The following INIP variants were observed in gnomAD, a reference collection of about 807,000 sequenced individuals.
INIP encodes INTS3 and NABP interacting protein, also known as SOSS complex subunit C.
INIP carries 9 observed loss-of-function variants against 14.0 expected under a neutral mutation model. The observed-to-expected ratio is 0.64, with a 90% CI of 0.39 to 1.12. The LOEUF (loss-of-function observed/expected upper bound fraction) is 1.12. Among genes scored for constraint, INIP ranks in the 50% most tolerant of loss-of-function variants. The pLI is 0.01. For missense variants in INIP, 78 were observed against 122.7 expected, an observed-to-expected ratio of 0.64 and a Z score of 1.72; for synonymous variants, 37 against 41.5, an observed-to-expected ratio of 0.89 and a Z score of 0.41.
chr9:112,706,990 C>T (rs1411079304), intron 2 of INIP, among the ~76,000 whole-genome samples: 1 of 152,092 alleles, frequency 6.6e-6, no homozygotes, highest in Non-Finnish European at 1.5e-5. Flanking sequence ...CGGCTCACCA[C>T]AACCTCCACC....
chr9:112,710,296 T>C (rs1287385744), intron 2 of INIP, among the ~76,000 whole-genome samples: 1 of 152,210 alleles, frequency 6.6e-6, no homozygotes, highest in Non-Finnish European at 1.5e-5. Flanking sequence ...GCAGATCTTA[T>C]AGTTACTACT....
intron 2 of INIP, among the ~76,000 whole-genome samples, chr9:112,695,255 G>GA (rs60657759): frequency 0.025 from 1,609 of 64,652 alleles, 24 homozygotes; most frequent in African/African-American, 0.033. Context: ...CAGAACTACA[G>GA]AAAAAAAAAA....
chr9:112,695,858 GAAGA>G (rs1838071845), intron 2 of INIP, among the ~76,000 whole-genome samples: 1 of 151,350 alleles, frequency 6.6e-6, no homozygotes, highest in Non-Finnish European at 1.5e-5. Context: ...AGAAGGAGAA[GAAGA>G]AGGAGAAGAA....
rs1214215800 is a variant in INIP at position 112,683,957 on chromosome 9, T to C, written c.*3581A>G. On this transcript the variant is annotated 3_prime_UTR_variant, in exon 5 of 5. Transcript: ENST00000374242. ...TGAAATCACTAAGTCATTTCAGTTT[T>C]TATTCCAGGGTCAAAGCACTGACAT... 1 of 133,262 alleles carries C rather than the reference T, an allele frequency of 7.5e-6. No homozygotes were observed. Among genetic ancestry groups the C allele is most frequent in the African/African-American group, 2.7e-5 (1 of 36,618 alleles). The allele number at this position is 133,262 out of a possible 1,614,324, so 8.3% of individuals were successfully genotyped here.
chr9:112,696,848 G>A (rs957001713), intron 2 of INIP, among the ~76,000 whole-genome samples: 5 of 152,196 alleles, frequency 3.3e-5, no homozygotes, highest in East Asian at 1.9e-4. Context: ...GGCCAGGCAC[G>A]TGGGAAGGGA....
intron 2 of INIP, among the ~76,000 whole-genome samples, chr9:112,703,025 A>G (rs1255188427): frequency 6.6e-6 from 1 of 152,202 alleles, no homozygotes; most frequent in Non-Finnish European, 1.5e-5. Context: ...AAGATATCAG[A>G]AGAATATTCA....
intron 4 of INIP, 95 bp from the exon 5 acceptor site, chr9:112,687,728 A>G (rs944028635): frequency 5.1e-6 from 3 of 589,760 alleles, no homozygotes; most frequent in Non-Finnish European, 8.8e-6. Context: ...TGAATGCTTG[A>G]GACCAAATTT....
At chr9:112,709,293 C>A (rs2131311134) in intron 2 of INIP, among the ~76,000 whole-genome samples, 1 of 152,174 alleles carries the variant, frequency 6.6e-6, no homozygotes, top group Middle Eastern at 3.4e-3. Flanking sequence ...AAGAAGAGGT[C>A]TTTTGCCCCT....
chr9:112,698,378 A>C (rs1450507425), intron 2 of INIP, among the ~76,000 whole-genome samples: 1 of 151,694 alleles, frequency 6.6e-6, no homozygotes, highest in Non-Finnish European at 1.5e-5. Flanking sequence ...GCTCCAACAC[A>C]TGAAGGTTCC....
chr9:112,688,570 C>T (rs573044860), intron 4 of INIP, among the ~76,000 whole-genome samples: 8 of 151,632 alleles, frequency 5.3e-5, no homozygotes, highest in African/African-American at 1.9e-4. Context: ...CCTGTAATCC[C>T]AACACTTTGG....
At chr9:112,716,827 C>T (rs1024726868) in intron 1 of INIP, among the ~76,000 whole-genome samples, 3 of 151,738 alleles carry the variant, frequency 2.0e-5, no homozygotes, top group Non-Finnish European at 4.4e-5. Flanking sequence ...TGGTGGCAAG[C>T]GCCTGCAGTC....
At chr9:112,694,624 C>A (rs1456247178) in intron 2 of INIP, among the ~76,000 whole-genome samples, 1 of 152,186 alleles carries the variant, frequency 6.6e-6, no homozygotes, top group Admixed American at 6.5e-5. Flanking sequence ...CCGAGTCAAT[C>A]TTTGGGAGGG....
At chr9:112,688,602 T>C (rs1837768597) in intron 4 of INIP, among the ~76,000 whole-genome samples, 2 of 151,766 alleles carry the variant, frequency 1.3e-5, no homozygotes, top group African/African-American at 4.8e-5. Context: ...GGGAGGATCA[T>C]TTGAGGCCAG....
At chr9:112,692,078 G>A (rs1837907804) in intron 3 of INIP, among the ~76,000 whole-genome samples, 1 of 152,086 alleles carries the variant, frequency 6.6e-6, no homozygotes, top group Non-Finnish European at 1.5e-5. Context: ...TAAGATGTCT[G>A]ATAAGAAAAG....
At chr9:112,703,721 C>T (rs762339053) in intron 2 of INIP, among the ~76,000 whole-genome samples, 62 of 152,214 alleles carry the variant, frequency 4.1e-4, no homozygotes, top group Middle Eastern at 6.8e-3. Flanking sequence ...GGATTACAGG[C>T]GTGAGCCACT....
Position 112,685,179 on chromosome 9 carries a change from G to C in INIP, c.*2359C>G, listed in dbSNP as rs1252789024. ...TGCAGCCTCAACCTCCCAGGCTCAA[G>C]CAATCCTCCCACCTCAGCCTCCCGA... On this transcript the variant is annotated 3_prime_UTR_variant, in exon 5 of 5. Coordinates refer to ENST00000374242, the MANE Select transcript of INIP (RefSeq NM_021218.3). 1 of 151,770 alleles carries C rather than the reference G, an allele frequency of 6.6e-6. No homozygotes were observed. Among genetic ancestry groups the C allele is most frequent in the Non-Finnish European group, 1.5e-5 (1 of 68,178 alleles). The allele number at this position is 151,770 out of a possible 1,614,324, so 9.4% of individuals were successfully genotyped here. A position where few individuals can be genotyped will look rare whatever the true frequency, so the allele number is the denominator to read the frequency against.
In INIP at chr9:112,687,814, G is replaced by A. The variant is rs543226062; in HGVS notation, c.220-181C>T. On this transcript the variant is annotated intron_variant, in intron 4 of 4. Transcript: ENST00000374242. ...TTAAAATCAGTTCTTGGCTGGGCGC[G>A]GTGGCTCACACTGGTAATCCCAGCA... Among the ~76,000 whole-genome samples the A allele has an allele frequency of 1.7e-3, 257 of 152,204 alleles. 2 individuals are homozygous for A. Among genetic ancestry groups the A allele is most frequent in the African/African-American group, 5.9e-3 (247 of 41,542 alleles).
At chr9:112,713,382 A>C (rs1468971084) in intron 2 of INIP, among the ~76,000 whole-genome samples, 1 of 152,206 alleles carries the variant, frequency 6.6e-6, no homozygotes, top group Admixed American at 6.5e-5. Flanking sequence ...TCAGAAGCGC[A>C]TATACTAAAA....
intron 2 of INIP, among the ~76,000 whole-genome samples, chr9:112,695,813 GAAGA>G (rs1838066196): frequency 3.2e-5 from 3 of 94,580 alleles, no homozygotes; most frequent in East Asian, 3.6e-4. Flanking sequence ...AGGAGGAGAA[GAAGA>G]AGGAGAAGAA....
Sources: allele counts gnomAD v4.1 joint callset (sites outside exome capture counted in the v4.1 genomes callset), GRCh38; gene constraint gnomAD v4.1.1; transcripts MANE v1.5; gene names NCBI Gene and HGNC (gene_info 2026-07-23, HGNC 2026-07-21).